RNF220: variants seen among roughly 807,000 people sequenced by gnomAD.
The protein encoded by RNF220 is ring finger protein 220.
In RNF220, 7 loss-of-function variants were observed where a neutral mutation model predicts 67.1. That is an observed-to-expected ratio of 0.10 (90% confidence interval 0.06 to 0.20). RNF220 has a LOEUF of 0.20. RNF220 is among the 10% of genes least tolerant of loss of function. The probability of loss-of-function intolerance (pLI) is 1.00; values close to 1 mark genes in which losing one functional copy is unlikely to be tolerated. For missense variants in RNF220, 565 were observed against 740.3 expected (o/e 0.76, Z 2.75); for synonymous variants, 270 against 283.2 (o/e 0.95, Z 0.47).
rs924945851 is a variant in RNF220 at position 44,651,158 on chromosome 1, A to G, written c.*383A>G. On this transcript the variant is annotated 3_prime_UTR_variant, in exon 15 of 15. Coordinates refer to ENST00000361799, the MANE Select transcript of RNF220 (RefSeq NM_018150.4). The stretch of plus-strand genomic sequence containing the variant: ...GAAGCACATGTAATATAGACCGTGT[A>G]TGTTTACAATGTTGTGTATAAATGG... The G allele has an allele frequency of 4.1e-5, 11 of 270,730 alleles. No individual in the cohort carries two copies. In the East Asian group the frequency reaches 4.7e-4, roughly 12 times the overall value. 16.8% of individuals were successfully genotyped at this position (270,730 alleles called of 1,614,324 possible).
chr1:44,499,469 G>A (rs112914047), intron 2 of RNF220, among the ~76,000 whole-genome samples: 5,084 of 152,132 alleles, frequency 0.033, 82 homozygotes, highest in Non-Finnish European at 0.038. Context: ...TGTCACTCCC[G>A]TCTTCTAGAA....
chr1:44,647,621 AGGAGTCACGCTCTG>A (rs1259542306), intron 12 of RNF220, among the ~76,000 whole-genome samples: 1 of 152,174 alleles, frequency 6.6e-6, no homozygotes, highest in Non-Finnish European at 1.5e-5. Flanking sequence ...ACAGCCACTA[AGGAGTCACGCTCTG>A]TGTTGCTGCT....
chr1:44,568,157 C>T (rs1476881656), intron 2 of RNF220, among the ~76,000 whole-genome samples: 1 of 152,188 alleles, frequency 6.6e-6, no homozygotes, highest in Non-Finnish European at 1.5e-5. Flanking sequence ...ATGTAGGTGA[C>T]ACTGTGCCAC....
intron 2 of RNF220, among the ~76,000 whole-genome samples, chr1:44,498,782 G>A (rs1657572107): frequency 6.6e-6 from 1 of 152,156 alleles, no homozygotes; most frequent in Non-Finnish European, 1.5e-5. Flanking sequence ...TAGGTCTAGA[G>A]ACCCCCAAGG....
rs56375404 is a variant in RNF220 at position 44,597,468 on chromosome 1, G to GCACA, written c.626-16657_626-16654dup. On this transcript the variant is annotated intron_variant, in intron 2 of 14. Coordinates refer to ENST00000361799, the MANE Select transcript of RNF220 (RefSeq NM_018150.4). ...ACGCCCTTCTCTCTCTCTCTCTCAT[G>GCACA]CACACACACACACACACACACACAC... is the stretch of plus-strand genomic sequence containing the variant. Among the ~76,000 whole-genome samples, 324 of 135,734 alleles carry GCACA rather than the reference G, an allele frequency of 2.4e-3. 2 individuals carry two copies. The highest frequency in any genetic ancestry group is 0.024 in the East Asian group (98 of 4,134). The allele number at this position is 135,734 out of a possible 152,430, so 89.0% of individuals were successfully genotyped here.
At chr1:44,564,588 C>G (rs534133664) in intron 2 of RNF220, among the ~76,000 whole-genome samples, 2 of 152,076 alleles carry the variant, frequency 1.3e-5, no homozygotes, top group Non-Finnish European at 2.9e-5. Flanking sequence ...AAACCCATCT[C>G]TACTAAAAAT....
chr1:44,642,305 C>G (rs1330359745), intron 8 of RNF220, among the ~76,000 whole-genome samples: 1 of 152,224 alleles, frequency 6.6e-6, no homozygotes, highest in African/African-American at 2.4e-5. Flanking sequence ...TTGAAGCTCT[C>G]TATTCTCAAC....
In RNF220 at chr1:44,610,312, G is replaced by A. The variant is rs372382965; in HGVS notation, c.626-3853G>A. ...CAGTGCAAGGGCTGAGGCAGCGCCCGGGGATTAGCAGGAACGGCAAGCGCC... is the reference window on the plus strand; with the variant it reads ...CAGTGCAAGGGCTGAGGCAGCGCCCAGGGATTAGCAGGAACGGCAAGCGCC... On this transcript the variant is annotated intron_variant, in intron 2 of 14. Coordinates refer to ENST00000361799, the MANE Select transcript of RNF220 (RefSeq NM_018150.4). Among the ~76,000 whole-genome samples, 42 of 152,312 alleles carry A rather than the reference G, an allele frequency of 2.8e-4. No homozygotes were observed. The East Asian group carries it at 4.8e-3, about 17-fold the overall frequency.
At chr1:44,408,888 C>T (rs1021183036) in intron 1 of RNF220, 2 of 152,152 alleles carry the variant, frequency 1.3e-5, no homozygotes, top group Non-Finnish European at 2.9e-5. Flanking sequence ...CCGCTTCCTT[C>T]TATGCCGATC....
chr1:44,595,542 G>A (rs575876346), intron 2 of RNF220, among the ~76,000 whole-genome samples: 5 of 152,230 alleles, frequency 3.3e-5, no homozygotes, highest in African/African-American at 1.2e-4. Flanking sequence ...GACAGGATCA[G>A]TAAGCAGGTG....
rs1647799442 is a variant in RNF220 at position 44,409,923 on chromosome 1, C to G, written c.-117-2058C>G. Among the ~76,000 whole-genome samples the G allele has an allele frequency of 5.3e-5, 8 of 152,262 alleles. No individual in the cohort carries two copies. The South Asian group carries it at 1.7e-3, about 32-fold the overall frequency. On this transcript the variant is annotated intron_variant, in intron 1 of 14. Coordinates refer to ENST00000361799, the MANE Select transcript of RNF220 (RefSeq NM_018150.4). ...AAAGAAAAAAAGCACTCCCCCCTCC[C>G]CCATGGAGACCAACGCCCACGCAAT...
At chr1:44,640,823 C>T (rs771275188) in intron 8 of RNF220, among the ~76,000 whole-genome samples, 3 of 152,210 alleles carry the variant, frequency 2.0e-5, no homozygotes, top group Admixed American at 6.5e-5. Context: ...TAAAACTCGC[C>T]GGAAGCTGCT....
In RNF220 at chr1:44,565,972, C is replaced by G. The variant is rs1304485947; in HGVS notation, c.626-48193C>G. ...TGCTCCACATTGATATAAATGGAGG[C>G]TTCGGCTGCCTTTAAATAGTCCGAT... is the stretch of plus-strand genomic sequence containing the variant. On this transcript the variant is annotated intron_variant, in intron 2 of 14. Coordinates refer to ENST00000361799, the MANE Select transcript of RNF220 (RefSeq NM_018150.4). The surrounding 1 kb of genome is among the most constrained non-coding windows in gnomAD (Gnocchi z 4.2). 6.6e-6 allele frequency among the ~76,000 whole-genome samples: 1 copy of G among 152,148 alleles called. No individual in the cohort carries two copies. Among genetic ancestry groups the G allele is most frequent in the Non-Finnish European group, 1.5e-5 (1 of 68,036 alleles).
At chr1:44,549,053 G>T (rs1465634561) in intron 2 of RNF220, among the ~76,000 whole-genome samples, 2 of 152,252 alleles carry the variant, frequency 1.3e-5, no homozygotes, top group Non-Finnish European at 2.9e-5. Flanking sequence ...CAGGTATGGT[G>T]ACACATGCCT....
At chr1:44,581,975 A>G (rs540334295) in intron 2 of RNF220, among the ~76,000 whole-genome samples, 17 of 152,274 alleles carry the variant, frequency 1.1e-4, no homozygotes, top group African/African-American at 4.1e-4. Flanking sequence ...ACCAGCATCT[A>G]TGCCTCCCTG....
chr1:44,569,439 G>A (rs910893091), intron 2 of RNF220, among the ~76,000 whole-genome samples: 2 of 152,110 alleles, frequency 1.3e-5, no homozygotes, highest in East Asian at 1.9e-4. Context: ...AGAGGGATAC[G>A]GTCCCCTGAC....
chr1:44,459,432 C>G (rs1653538005), intron 2 of RNF220, among the ~76,000 whole-genome samples: 1 of 151,994 alleles, frequency 6.6e-6, no homozygotes. Context: ...CACACTTGTC[C>G]TCACACAGAA....
chr1:44,566,293 C>G (rs896326989), intron 2 of RNF220, among the ~76,000 whole-genome samples: 1 of 152,150 alleles, frequency 6.6e-6, no homozygotes. Context: ...AGATCAAGAT[C>G]GAGCTGTTGG....
chr1:44,405,388 T>C lies in RNF220; in HGVS notation c.-260T>C, dbSNP rs967215444. On this transcript the variant is annotated 5_prime_UTR_variant, in exon 1 of 15. Coordinates refer to ENST00000361799, the MANE Select transcript of RNF220 (RefSeq NM_018150.4). ...GGGGCCAGCCGCCTACTGCTGCTGC[T>C]GCTGCTGCCGCTGCCGCCGCCGCCG... 12 of 629,168 alleles carry C rather than the reference T, an allele frequency of 1.9e-5. No homozygotes were observed. In the East Asian group the frequency reaches 3.3e-4, roughly 17 times the overall value. 39.0% of individuals were successfully genotyped at this position (629,168 alleles called of 1,614,324 possible). A position where few individuals can be genotyped will look rare whatever the true frequency, so the allele number is the denominator to read the frequency against.
Sources: gnomAD v4.1 joint callset for allele counts (sites outside exome capture counted in the v4.1 genomes callset) on GRCh38, gnomAD v4.1.1 for gene constraint, Gnocchi (gnomAD v3.1) non-coding constraint, MANE v1.5 for transcripts, NCBI Gene and HGNC (gene_info 2026-07-23, HGNC 2026-07-21) for gene names.